The following CCSER1 variants were observed in gnomAD, a reference collection of about 807,000 sequenced individuals.
The protein encoded by CCSER1 is serine-rich coiled-coil domain-containing protein 1.
Under a neutral mutation model 82.0 loss-of-function variants are expected in CCSER1, and 41 were observed. That is an observed-to-expected ratio of 0.50 (90% CI 0.39 to 0.65). The LOEUF is 0.65. CCSER1 is among the 30% of genes least tolerant of loss of function. CCSER1 has a pLI of 0.00. For synonymous variants in CCSER1, 414 were observed against 383.9 expected (o/e 1.08, Z -0.92); for missense variants, 1,119 against 1,064.2 (o/e 1.05, Z -0.72).
In CCSER1 at chr4:91,317,346, G is replaced by A. The variant is rs536688860; in HGVS notation, c.2217+231352G>A. ...TTTGAATTTTTCCTCCAGATATCCCGAGGGCTAATTTTCTCACATCTTTGA... is the reference window on the plus strand; with the variant it reads ...TTTGAATTTTTCCTCCAGATATCCCAAGGGCTAATTTTCTCACATCTTTGA... On this transcript the variant is annotated intron_variant, in intron 10 of 10. Transcript: ENST00000509176. Among the ~76,000 whole-genome samples the A allele has an allele frequency of 7.9e-5, 12 of 151,852 alleles. 1 individual carries two copies. The highest frequency in any genetic ancestry group is 4.2e-4 in the South Asian group (2 of 4,802).
intron 6 of CCSER1, among the ~76,000 whole-genome samples, chr4:90,640,077 G>T (rs1200675036): frequency 2.0e-5 from 3 of 152,106 alleles, no homozygotes; most frequent in African/African-American, 7.2e-5. Context: ...GCTTGGGGAG[G>T]TGCTGAAAAG....
At chr4:91,352,557 G>A (rs912898459) in intron 10 of CCSER1, among the ~76,000 whole-genome samples, 7 of 152,084 alleles carry the variant, frequency 4.6e-5, no homozygotes, top group Non-Finnish European at 8.8e-5. Context: ...AGATTTATTT[G>A]AAAAAGCACA....
chr4:90,879,571 GA>G (rs1720940143), intron 8 of CCSER1, among the ~76,000 whole-genome samples: 3 of 107,958 alleles, frequency 2.8e-5, no homozygotes, highest in African/African-American at 7.5e-5. Flanking sequence ...AGAAGAAGAG[GA>G]AGAAGAAGAA....
chr4:90,868,571 G>A (rs79651172), intron 8 of CCSER1, among the ~76,000 whole-genome samples: 3,060 of 152,026 alleles, frequency 0.02, 81 homozygotes, highest in African/African-American at 0.066. Flanking sequence ...CATTGTGTGT[G>A]TGTACCACCT....
chr4:90,622,724 C>A (rs1446664261), intron 5 of CCSER1, among the ~76,000 whole-genome samples: 1 of 152,080 alleles, frequency 6.6e-6, no homozygotes, highest in Non-Finnish European at 1.5e-5. Flanking sequence ...CCACAATAAA[C>A]ATACGTGTGC....
intron 5 of CCSER1, among the ~76,000 whole-genome samples, chr4:90,486,103 C>T (rs989025891): frequency 6.6e-6 from 1 of 152,068 alleles, no homozygotes; most frequent in Non-Finnish European, 1.5e-5. Context: ...TTCACTTTTC[C>T]TTGATAGTCA....
intron 3 of CCSER1, among the ~76,000 whole-genome samples, chr4:90,336,853 A>G (rs1740502138): frequency 6.6e-6 from 1 of 152,186 alleles, no homozygotes; most frequent in African/African-American, 2.4e-5. Flanking sequence ...TCAATAGCAA[A>G]TCCTTCTGCA....
chr4:90,232,008 G>A (rs1311284133), intron 1 of CCSER1, among the ~76,000 whole-genome samples: 1 of 151,980 alleles, frequency 6.6e-6, no homozygotes, highest in African/African-American at 2.4e-5. Flanking sequence ...CCATGCTCAT[G>A]GGTAGGAAGA....
chr4:91,424,001 CT>C (rs1167472932), intron 10 of CCSER1, among the ~76,000 whole-genome samples: 1,105 of 77,310 alleles, frequency 0.014, 4 homozygotes, highest in African/African-American at 0.039. Context: ...CTCAGCAGAT[CT>C]TTTTTTTTTT....
At chr4:91,594,456 T>TAC (rs1030864425) in intron 10 of CCSER1, among the ~76,000 whole-genome samples, 1 of 148,874 alleles carries the variant, frequency 6.7e-6, no homozygotes, top group African/African-American at 2.5e-5. Context: ...TACATATATA[T>TAC]ACACACATAT....
At chr4:90,934,250 A>T (rs1319666993) in intron 9 of CCSER1, among the ~76,000 whole-genome samples, 1 of 152,110 alleles carries the variant, frequency 6.6e-6, no homozygotes, top group Non-Finnish European at 1.5e-5. Context: ...TTATATTACT[A>T]TTTTTATAAT....
At chr4:90,251,866 T>C (rs761997499) in intron 1 of CCSER1, among the ~76,000 whole-genome samples, 3 of 151,810 alleles carry the variant, frequency 2.0e-5, no homozygotes, top group Non-Finnish European at 2.9e-5. Context: ...ATAATTTGAG[T>C]CTTTTCTCAT....
chr4:90,940,045 C>T (rs1464255866), intron 9 of CCSER1, among the ~76,000 whole-genome samples: 1 of 152,024 alleles, frequency 6.6e-6, no homozygotes, highest in Non-Finnish European at 1.5e-5. Context: ...CATGAATGGT[C>T]AATACTGTAT....
chr4:91,170,171 T>C (rs1045411183), intron 10 of CCSER1, among the ~76,000 whole-genome samples: 2 of 152,192 alleles, frequency 1.3e-5, no homozygotes, highest in African/African-American at 4.8e-5. Context: ...CCTAAATGCC[T>C]ACTTCCTGAT....
intron 10 of CCSER1, among the ~76,000 whole-genome samples, chr4:91,284,465 G>T (rs115981274): frequency 6.6e-6 from 1 of 151,960 alleles, no homozygotes; most frequent in Admixed American, 6.6e-5. Flanking sequence ...TATGCACCTC[G>T]GCAGAGTCAG....
intron 8 of CCSER1, among the ~76,000 whole-genome samples, chr4:90,878,004 T>G (rs982609677): frequency 6.6e-6 from 1 of 152,158 alleles, no homozygotes; most frequent in African/African-American, 2.4e-5. Context: ...AATGTGTGCA[T>G]TATCATGGGA....
At chr4:90,818,526 C>T (rs1759331082) in intron 8 of CCSER1, among the ~76,000 whole-genome samples, 1 of 152,164 alleles carries the variant, frequency 6.6e-6, no homozygotes, top group African/African-American at 2.4e-5. Context: ...ATCTGCCCAC[C>T]TCGGTTTCCC....
At chr4:91,142,388 G>A (rs571845385) in intron 10 of CCSER1, among the ~76,000 whole-genome samples, 9 of 152,202 alleles carry the variant, frequency 5.9e-5, no homozygotes, top group African/African-American at 2.2e-4. Context: ...ACCCAGTGTT[G>A]GGTATGTCTT....
chr4:90,390,463 C>CA (rs1464104227), intron 3 of CCSER1, among the ~76,000 whole-genome samples: 2 of 152,104 alleles, frequency 1.3e-5, no homozygotes, highest in African/African-American at 4.8e-5. Flanking sequence ...AAGTAGTCCC[C>CA]AGTGTCTATT....
Sources: gnomAD v4.1 joint callset for allele counts (sites outside exome capture counted in the v4.1 genomes callset) on GRCh38, gnomAD v4.1.1 for gene constraint, MANE v1.5 for transcripts, NCBI Gene and HGNC (gene_info 2026-07-23, HGNC 2026-07-21) for gene names.